Variants in RFC5 observed in about 807,000 individuals in gnomAD.
The protein encoded by RFC5 is replication factor C subunit 5, also known as A1 36 kDa subunit.
Under a neutral mutation model 44.3 loss-of-function variants are expected in RFC5, and 26 were observed. The observed-to-expected ratio is 0.59, with a 90% confidence interval of 0.43 to 0.81. The LOEUF (loss-of-function observed/expected upper bound fraction) is 0.81. Ranked by LOEUF, RFC5 falls within the 40% of genes least tolerant of loss-of-function variation. The pLI is 0.00. For synonymous variants in RFC5, 155 were observed against 155.2 expected (o/e 1.00, Z 0.01); for missense variants, 328 against 418.6 (o/e 0.78, Z 1.89).
chr12:118,036,218 G>T, downstream of RFC5: 2 of 1,198,946 alleles, frequency 1.7e-6, no homozygotes, highest in African/African-American at 1.5e-5. Context: ...GACCCACTGT[G>T]CCTTTTTATC....
chr12:118,035,198 G>C (rs1007259070), downstream of RFC5: 1 of 1,613,770 alleles, frequency 6.2e-7, no homozygotes. Flanking sequence ...CATGTAAAGA[G>C]AGTTCTCTTC....
rs2030312638 is a variant in RFC5, at chr12:118,019,147, A to G, written c.130+11A>G. ...ACATTCTGAGTACCAGTAAGTATTC[A>G]TGTGTCAGTTGCTCTTGTCCTGCTT... On this transcript the variant is annotated intron_variant, in intron 2 of 10. Coordinates refer to ENST00000454402, the MANE Select transcript of RFC5 (RefSeq NM_007370.7). The surrounding 1 kb of genome is among the most constrained non-coding windows in gnomAD (Gnocchi z 4.2). 2 of 1,600,590 alleles carry G rather than the reference A, an allele frequency of 1.2e-6. No homozygotes were observed. The highest frequency in any genetic ancestry group is 2.2e-5 in the South Asian group (2 of 90,836).
chr12:118,029,735 A>G (rs2031190040), intron 9 of RFC5, 36 bp from the exon 10 acceptor site: 1 of 1,415,214 alleles, frequency 7.1e-7, no homozygotes, highest in Non-Finnish European at 1.0e-6. Context: ...GACAGTAGAG[A>G]GTGACCTAAC....
intron 1 of RFC5, 56 bp downstream of exon 1, chr12:118,016,948 G>C: frequency 6.9e-7 from 1 of 1,454,638 alleles, no homozygotes; most frequent in Non-Finnish European, 9.6e-7. Context: ...GCCGCGCGGG[G>C]AGGAGGTGGC....
At chr12:118,035,192 T>G (rs2031479941), downstream of RFC5, 1 of 1,613,896 alleles carries the variant, frequency 6.2e-7, no homozygotes, top group Non-Finnish European at 8.5e-7. Context: ...TGAGGCCATG[T>G]AAAGAGAGTT....
chr12:118,029,939 T>G (rs1211859819), intron 10 of RFC5, 114 bp downstream of exon 10: 2 of 785,754 alleles, frequency 2.5e-6, no homozygotes, highest in Non-Finnish European at 4.5e-6. Context: ...TCACATACGG[T>G]ACAATCTAGT....
At chr12:118,020,833 T>C (rs2030433958) in intron 3 of RFC5, 73 bp from the exon 4 acceptor site, 1 of 920,242 alleles carries the variant, frequency 1.1e-6, no homozygotes, top group South Asian at 1.3e-5. Flanking sequence ...GATGAGGAAA[T>C]ACACTAACAC....
chr12:118,018,759 G>A (rs999605179), intron 1 of RFC5, among the ~76,000 whole-genome samples: 6 of 152,140 alleles, frequency 3.9e-5, no homozygotes, highest in Non-Finnish European at 8.8e-5. Context: ...ACAGGGGTAT[G>A]CCACCATGCC....
At chr12:118,017,889 G>T in intron 1 of RFC5, 1 of 667,638 alleles carries the variant, frequency 1.5e-6, no homozygotes. Context: ...TCAGAATGCA[G>T]TGTACTGTTG....
At chr12:118,039,415 G>A in the RFC5 span, among the ~76,000 whole-genome samples, 1 of 152,214 alleles carries the variant, frequency 6.6e-6, no homozygotes, top group African/African-American at 2.4e-5. Context: ...AATGAAAAAT[G>A]CGAGATGCAG....
At position 118,019,227 on chromosome 12, in the gene RFC5, A is replaced by C; in HGVS notation, c.130+91A>C. On this transcript the variant is annotated intron_variant, in intron 2 of 10. Transcript: ENST00000454402. This position sits in a 1 kb window ranked among gnomAD's most constrained non-coding sequence, Gnocchi z 4.2. ...TTGTCTCTCCTAAGTAATAACTTCA[A>C]AGAATCTGATTGCGCTTTGTAGAAT... 1.1e-6 allele frequency: 1 copy of C among 925,804 alleles called. No individual in the cohort carries two copies. The highest frequency in any genetic ancestry group is 1.8e-6 in the Non-Finnish European group (1 of 563,996). 57.3% of individuals were successfully genotyped at this position (925,804 alleles called of 1,614,324 possible).
At position 118,021,251 on chromosome 12, in the gene RFC5, G is replaced by A. The variant is rs534279220; in HGVS notation, c.347+266G>A. Among the ~76,000 whole-genome samples, 10 of 150,704 alleles carry A rather than the reference G, an allele frequency of 6.6e-5. No individual in the cohort carries two copies. In the East Asian group the frequency reaches 1.6e-3, roughly 23 times the overall value. On this transcript the variant is annotated intron_variant, in intron 4 of 10. Transcript: ENST00000454402. ...TTTGGAGACAGGGTCGCCCTGTATC[G>A]TACAGGCTGGAGTGCAGTAGCATGA... is the stretch of plus-strand genomic sequence containing the variant.
chr12:118,027,039 C>T (rs771521077), intron 8 of RFC5, 21 bp downstream of exon 8: 1 of 1,603,832 alleles, frequency 6.2e-7, no homozygotes, highest in Non-Finnish European at 8.5e-7. Flanking sequence ...TCATGACCTC[C>T]TGGCCACCGA....
chr12:118,024,955 C>G lies in RFC5; in HGVS notation c.526C>G (p.Pro176Ala). ...QSRCTRFRFG[P>A]LTPELMVPRL... ...CCGCTGCACGAGGTTTCGGTTCGGT[C>G]CCCTGACTCCTGAACTCATGGTTCC... Residue 176 changes from proline (P) to alanine (A), a missense_variant, in exon 6 of 11, where the codon CCC (proline) becomes GCC (alanine). By Grantham distance (27) the Pro-to-Ala change is conservative. Transcript: ENST00000454402. 1 of 1,614,080 alleles carries G rather than the reference C, an allele frequency of 6.2e-7. No individual in the cohort carries two copies. Among genetic ancestry groups the G allele is most frequent in the Non-Finnish European group, 8.5e-7 (1 of 1,179,976 alleles).
At chr12:118,029,926 C>G (rs893405258) in intron 10 of RFC5, 101 bp downstream of exon 10, 2 of 852,710 alleles carry the variant, frequency 2.3e-6, no homozygotes, top group African/African-American at 1.7e-5. Flanking sequence ...TTTCCTAAAT[C>G]GTTCACATAC....
chr12:118,037,081 T>C (rs1478252506), downstream of RFC5, among the ~76,000 whole-genome samples: 5 of 149,120 alleles, frequency 3.4e-5, no homozygotes, highest in East Asian at 6.1e-4. Context: ...ATTTGGGAGG[T>C]TGAGGCAGAA....
intron 7 of RFC5, 41 bp downstream of exon 7, chr12:118,025,869 GAC>G (rs2030902329): frequency 1.9e-6 from 2 of 1,040,370 alleles, no homozygotes; most frequent in Non-Finnish European, 2.9e-6. Context: ...TTTTTTTTGA[GAC>G]AGAGTCTTGC....
Position 118,025,013 on chromosome 12 carries a change from G to A in RFC5, c.581+3G>A. On this transcript the variant is annotated splice_donor_region_variant and intron_variant, in intron 6 of 10. Coordinates refer to ENST00000454402, the MANE Select transcript of RFC5 (RefSeq NM_007370.7). ...GAACATGTCGTGGAAGAAGAGAAGTGAGTATTTTGCGGGCCTTTGGGGATG... is the reference window on the plus strand; with the variant it reads ...GAACATGTCGTGGAAGAAGAGAAGTAAGTATTTTGCGGGCCTTTGGGGATG... The A allele has an allele frequency of 1.2e-6, 2 of 1,612,302 alleles. No individual in the cohort carries two copies. Among genetic ancestry groups the A allele is most frequent in the Non-Finnish European group, 1.7e-6 (2 of 1,179,502 alleles).
At chr12:118,034,617 CCA>C (rs112227765), downstream of RFC5, 115 of 494,220 alleles carry the variant, frequency 2.3e-4, no homozygotes, top group African/African-American at 2.0e-3. Flanking sequence ...CTAAATCTGA[CCA>C]CAGTTAGTTC....
Sources: gnomAD v4.1 joint callset for allele counts (sites outside exome capture counted in the v4.1 genomes callset) on GRCh38, gnomAD v4.1.1 for gene constraint, Gnocchi (gnomAD v3.1) non-coding constraint, MANE v1.5 for transcripts, NCBI Gene and HGNC (gene_info 2026-07-23, HGNC 2026-07-21) for gene names.